The following NALF1 variants were observed in gnomAD, a reference collection of about 807,000 sequenced individuals.
The protein encoded by NALF1 is family with sequence similarity 155 member A.
In NALF1, 3 loss-of-function variants were observed where a neutral mutation model predicts 48.4. That is an observed-to-expected ratio of 0.06 (90% CI 0.03 to 0.16). The LOEUF (loss-of-function observed/expected upper bound fraction) is 0.16, where lower values mean the gene tolerates loss of function less well. Ranked by LOEUF, NALF1 falls within the 10% of genes least tolerant of loss-of-function variation. The probability of loss-of-function intolerance (pLI) is 1.00; values close to 1 mark genes in which losing one functional copy is unlikely to be tolerated. For synonymous variants in NALF1, 262 were observed against 245.7 expected (o/e 1.07, Z -0.62); for missense variants, 526 against 571.5 (o/e 0.92, Z 0.81).
At chr13:107,261,116 T>C (rs1208401180) in intron 1 of NALF1, among the ~76,000 whole-genome samples, 1 of 152,250 alleles carries the variant, frequency 6.6e-6, no homozygotes, top group Non-Finnish European at 1.5e-5. Context: ...GTAGTTAACC[T>C]ATCTGAGCTA....
chr13:107,397,024 G>GATAGAGC (rs1400170790), intron 1 of NALF1, among the ~76,000 whole-genome samples: 1 of 152,192 alleles, frequency 6.6e-6, no homozygotes, highest in Non-Finnish European at 1.5e-5. Flanking sequence ...ATATTTGGAG[G>GATAGAGC]ATAGAGCACT....
At chr13:107,661,939 T>A (rs951184538) in intron 1 of NALF1, among the ~76,000 whole-genome samples, 3 of 152,180 alleles carry the variant, frequency 2.0e-5, no homozygotes, top group Non-Finnish European at 4.4e-5. Flanking sequence ...ATCCTGTAAA[T>A]TTATTTCTAT....
At chr13:107,348,098 G>A (rs1882806757) in intron 1 of NALF1, among the ~76,000 whole-genome samples, 1 of 152,174 alleles carries the variant, frequency 6.6e-6, no homozygotes, top group African/African-American at 2.4e-5. Context: ...TTATCTAAAA[G>A]CATTTCTCAA....
intron 1 of NALF1, among the ~76,000 whole-genome samples, chr13:107,743,114 G>A (rs1255326389): frequency 6.6e-6 from 1 of 152,162 alleles, no homozygotes. Flanking sequence ...TAGTACCAGA[G>A]GGAATTTAGC....
chr13:107,467,882 AT>A (rs1885031538), intron 1 of NALF1, among the ~76,000 whole-genome samples: 1 of 151,958 alleles, frequency 6.6e-6, no homozygotes, highest in Non-Finnish European at 1.5e-5. Context: ...CTACAAAAAA[AT>A]AAATAAATAA....
At chr13:107,679,125 G>T (rs1389447671) in intron 1 of NALF1, among the ~76,000 whole-genome samples, 1 of 152,024 alleles carries the variant, frequency 6.6e-6, no homozygotes, top group Non-Finnish European at 1.5e-5. Flanking sequence ...TGTAATCTGG[G>T]ATAGCCTCAG....
At chr13:107,378,022 A>C (rs1396856570) in intron 1 of NALF1, among the ~76,000 whole-genome samples, 1 of 152,148 alleles carries the variant, frequency 6.6e-6, no homozygotes, top group Non-Finnish European at 1.5e-5. Context: ...TTCTTTGCTA[A>C]AATGCCATCT....
intron 1 of NALF1, among the ~76,000 whole-genome samples, chr13:107,290,133 C>T (rs1355543627): frequency 2.7e-5 from 4 of 149,324 alleles, no homozygotes; most frequent in South Asian, 2.1e-4. Context: ...ATCCCCCTCA[C>T]GGTATCCTTT....
intron 1 of NALF1, among the ~76,000 whole-genome samples, chr13:107,339,636 A>T (rs537360916): frequency 1.9e-4 from 29 of 152,310 alleles, no homozygotes; most frequent in African/African-American, 5.8e-4. Context: ...AGCGTCCCAT[A>T]TGCACATTTT....
In NALF1 at chr13:107,376,936, C is replaced by A. The variant is rs374570824; in HGVS notation, c.916-166181G>T. 3.7e-4 allele frequency among the ~76,000 whole-genome samples: 57 copies of A among 152,308 alleles called. 1 individual carries two copies. The South Asian group carries it at 0.012, about 31-fold the overall frequency. On this transcript the variant is annotated intron_variant, in intron 1 of 2. Coordinates refer to ENST00000375915, the MANE Select transcript of NALF1 (RefSeq NM_001080396.3). Reference sequence around the variant, plus strand: ...GTTCTGTGATTCTTCTGTCAACTCGCTCCTGTTCAGCACAATGATGGCTGT... The same window carrying A: ...GTTCTGTGATTCTTCTGTCAACTCGATCCTGTTCAGCACAATGATGGCTGT...
At chr13:107,275,655 C>T (rs1881265768) in intron 1 of NALF1, among the ~76,000 whole-genome samples, 2 of 152,094 alleles carry the variant, frequency 1.3e-5, no homozygotes, top group East Asian at 1.9e-4. Flanking sequence ...CCAGGTAAAA[C>T]ATAGATTAAA....
chr13:107,340,623 C>T (rs1882663097), intron 1 of NALF1, among the ~76,000 whole-genome samples: 1 of 151,476 alleles, frequency 6.6e-6, no homozygotes, highest in Non-Finnish European at 1.5e-5. Context: ...CAGTGGAATA[C>T]AAATAGAGTC....
intron 1 of NALF1, among the ~76,000 whole-genome samples, chr13:107,626,623 T>C (rs901920249): frequency 6.6e-5 from 10 of 152,082 alleles, no homozygotes; most frequent in African/African-American, 1.9e-4. Context: ...GCAGCAATAG[T>C]AACCTCTGTT....
At chr13:107,769,368 T>G (rs1333073888) in intron 1 of NALF1, among the ~76,000 whole-genome samples, 2 of 147,546 alleles carry the variant, frequency 1.4e-5, no homozygotes, top group Admixed American at 6.7e-5. Context: ...CCATAAAAAA[T>G]GATGAGTTCA....
At chr13:107,547,797 T>G (rs951239818) in intron 1 of NALF1, among the ~76,000 whole-genome samples, 4 of 152,172 alleles carry the variant, frequency 2.6e-5, no homozygotes, top group Non-Finnish European at 5.9e-5. Context: ...AATGTATTCA[T>G]ATAGTCTATA....
chr13:107,268,386 G>C (rs1436241616), intron 1 of NALF1, among the ~76,000 whole-genome samples: 2 of 151,872 alleles, frequency 1.3e-5, no homozygotes, highest in Non-Finnish European at 2.9e-5. Context: ...GGACTACTGT[G>C]CCCAAAGCTA....
chr13:107,369,711 T>C (rs1883216076), intron 1 of NALF1, among the ~76,000 whole-genome samples: 3 of 152,156 alleles, frequency 2.0e-5, no homozygotes, highest in South Asian at 4.1e-4. Flanking sequence ...ATCCAAATGT[T>C]ATACAGTTTT....
At chr13:107,663,741 C>A (rs770434112) in intron 1 of NALF1, among the ~76,000 whole-genome samples, 4 of 152,174 alleles carry the variant, frequency 2.6e-5, no homozygotes, top group Admixed American at 1.3e-4. Flanking sequence ...AGTGAATTCT[C>A]AGTTATCTTA....
At chr13:107,382,390 T>C (rs1883456777) in intron 1 of NALF1, among the ~76,000 whole-genome samples, 1 of 152,226 alleles carries the variant, frequency 6.6e-6, no homozygotes, top group Non-Finnish European at 1.5e-5. Context: ...GATACAAACC[T>C]ATCATCTTTA....
Sources: allele counts gnomAD v4.1 joint callset (sites outside exome capture counted in the v4.1 genomes callset), GRCh38; gene constraint gnomAD v4.1.1; transcripts MANE v1.5; gene names NCBI Gene and HGNC (gene_info 2026-07-23, HGNC 2026-07-21).